ZNF423: variants seen among roughly 807,000 people sequenced by gnomAD.
The protein encoded by ZNF423 is Ebf-associated zinc finger protein.
In ZNF423, 12 loss-of-function variants were observed where a neutral mutation model predicts 95.8. The ratio of observed to expected loss-of-function variants is 0.13; its 90% CI spans 0.08 to 0.20. ZNF423 has a LOEUF of 0.20. Among genes scored for constraint, ZNF423 ranks in the 10% least tolerant of loss-of-function variants. The pLI, the probability that ZNF423 is intolerant of heterozygous loss-of-function variation, is 1.00. For synonymous variants in ZNF423, 749 were observed against 711.9 expected, an observed-to-expected ratio of 1.05 and a Z score of -0.83; for missense variants, 1,316 against 1,737.1, an observed-to-expected ratio of 0.76 and a Z score of 4.31.
intron 3 of ZNF423, among the ~76,000 whole-genome samples, chr16:49,687,376 A>AC (rs1466569712): frequency 1.3e-5 from 2 of 151,858 alleles, no homozygotes; most frequent in Non-Finnish European, 2.9e-5. Context: ...GTCCCCACCT[A>AC]CCCCTGGGCT....
intron 5 of ZNF423, among the ~76,000 whole-genome samples, chr16:49,604,609 G>A (rs544296056): frequency 3.3e-5 from 5 of 152,170 alleles, no homozygotes; most frequent in African/African-American, 1.2e-4. Context: ...CTGGGTTTGT[G>A]CAAGAGCTCA....
At chr16:49,702,903 G>C (rs2032230685) in intron 3 of ZNF423, among the ~76,000 whole-genome samples, 1 of 118,480 alleles carries the variant, frequency 8.4e-6, no homozygotes, top group Non-Finnish European at 1.8e-5. Flanking sequence ...CTGCCTGTGT[G>C]CACACGCACA....
intron 5 of ZNF423, among the ~76,000 whole-genome samples, chr16:49,568,804 C>G (rs1970271886): frequency 6.6e-6 from 1 of 152,134 alleles, no homozygotes; most frequent in Non-Finnish European, 1.5e-5. Flanking sequence ...TCTGCTTGAG[C>G]CACTGTTGGC....
intron 3 of ZNF423, among the ~76,000 whole-genome samples, chr16:49,644,015 C>T (rs1973073289): frequency 6.6e-6 from 1 of 152,228 alleles, no homozygotes; most frequent in African/African-American, 2.4e-5. Flanking sequence ...CACACCTCAT[C>T]TAGGCTGAGC....
chr16:49,638,293 G>T lies in ZNF423; in HGVS notation c.883C>A (p.Pro295Thr), dbSNP rs1183733413. 1 of 1,613,670 alleles carries T rather than the reference G, an allele frequency of 6.2e-7. No individual in the cohort carries two copies. The highest frequency in any genetic ancestry group is 1.3e-5 in the African/African-American group (1 of 74,936). ...ELEKHVLTRH[P>T]QLSEKADLQC... ...AGGTCCGCCTTCTCGGACAGCTGCG[G>T]GTGGCGGGTGAGCACGTGCTTCTCC... Residue 295 changes from proline to threonine, a missense_variant, in exon 4 of 8, where the codon CCG becomes ACG. Coordinates refer to ENST00000563137, the MANE Select transcript of ZNF423 (RefSeq NM_001379286.1). This position sits in a 1 kb window ranked among gnomAD's most constrained non-coding sequence, Gnocchi z 5.6.
chr16:49,530,542 A>AC (rs112139404), intron 5 of ZNF423, among the ~76,000 whole-genome samples: 15,873 of 152,150 alleles, frequency 0.1, 1,925 homozygotes, highest in African/African-American at 0.29. Flanking sequence ...AGGATCTGGC[A>AC]CCAGGAGACG....
rs145353337 is a variant in ZNF423, at chr16:49,700,509, C to T, written c.301+30262G>A. 5.5e-3 allele frequency among the ~76,000 whole-genome samples: 840 copies of T among 152,308 alleles called. 9 individuals are homozygous for T. The highest frequency in any genetic ancestry group is 0.018 in the African/African-American group (740 of 41,568). On this transcript the variant is annotated intron_variant, in intron 3 of 7. Coordinates refer to ENST00000563137, the MANE Select transcript of ZNF423 (RefSeq NM_001379286.1). ...GAGGGGCAGCTGGAATACAGGGGGC[C>T]GTTCCTTTCCTGATGGAACATCCAG...
intron 3 of ZNF423, among the ~76,000 whole-genome samples, chr16:49,649,880 T>A (rs1462843401): frequency 6.6e-6 from 1 of 152,236 alleles, no homozygotes; most frequent in African/African-American, 2.4e-5. Flanking sequence ...GACATGGCTC[T>A]TCCTGAAATC....
chr16:49,659,058 T>C (rs1405698491), intron 3 of ZNF423, among the ~76,000 whole-genome samples: 1 of 152,230 alleles, frequency 6.6e-6, no homozygotes, highest in Non-Finnish European at 1.5e-5. Flanking sequence ...CATATTAGTC[T>C]TTGATGTTTT....
chr16:49,543,997 G>A (rs1355000359), intron 5 of ZNF423, among the ~76,000 whole-genome samples: 3 of 152,228 alleles, frequency 2.0e-5, no homozygotes, highest in Non-Finnish European at 4.4e-5. Context: ...TGCAACAACT[G>A]TCAGCTGTTA....
chr16:49,738,120 A>C (rs549440769), intron 2 of ZNF423, among the ~76,000 whole-genome samples: 3 of 152,184 alleles, frequency 2.0e-5, no homozygotes, highest in Non-Finnish European at 4.4e-5. Flanking sequence ...CATTCTTTCC[A>C]CAAATACTTA....
chr16:49,748,744 G>A (rs1221727398), intron 2 of ZNF423, among the ~76,000 whole-genome samples: 1 of 152,174 alleles, frequency 6.6e-6, no homozygotes, highest in Non-Finnish European at 1.5e-5. Flanking sequence ...GTATCTTGAT[G>A]GGTACCCACC....
At chr16:49,644,842 C>T (rs1338708037) in intron 3 of ZNF423, among the ~76,000 whole-genome samples, 2 of 152,000 alleles carry the variant, frequency 1.3e-5, no homozygotes, top group Admixed American at 1.3e-4. Context: ...GCCCCAAGGA[C>T]ATTCCAGACC....
At chr16:49,578,530 A>G (rs1459929824) in intron 5 of ZNF423, among the ~76,000 whole-genome samples, 13 of 152,126 alleles carry the variant, frequency 8.5e-5, no homozygotes, top group Non-Finnish European at 1.9e-4. Flanking sequence ...ACAGATGAGC[A>G]GAAAACAGAG....
intron 3 of ZNF423, among the ~76,000 whole-genome samples, chr16:49,685,637 C>T (rs140419149): frequency 2.0e-4 from 31 of 152,336 alleles, no homozygotes; most frequent in African/African-American, 6.7e-4. Context: ...TCCATTTCCA[C>T]ACCTTGTCAA....
At chr16:49,735,586 A>G (rs2033266356) in intron 2 of ZNF423, among the ~76,000 whole-genome samples, 1 of 152,196 alleles carries the variant, frequency 6.6e-6, no homozygotes, top group African/African-American at 2.4e-5. Context: ...GACCAACAGG[A>G]TGCAACAGAA....
intron 5 of ZNF423, among the ~76,000 whole-genome samples, chr16:49,577,488 A>G (rs1274387966): frequency 6.6e-6 from 1 of 152,106 alleles, no homozygotes; most frequent in Non-Finnish European, 1.5e-5. Context: ...CCCAGCGACC[A>G]GCCAGGAGCC....
At chr16:49,681,021 C>T (rs1181631045) in intron 3 of ZNF423, among the ~76,000 whole-genome samples, 1 of 152,176 alleles carries the variant, frequency 6.6e-6, no homozygotes, top group Non-Finnish European at 1.5e-5. Context: ...ATGTCGGTGT[C>T]CAAACAGGGC....
intron 3 of ZNF423, among the ~76,000 whole-genome samples, chr16:49,700,757 C>T (rs1394012805): frequency 1.3e-5 from 2 of 152,158 alleles, no homozygotes; most frequent in Non-Finnish European, 2.9e-5. Flanking sequence ...ATGGGCAAAC[C>T]CCCCTCCTTG....
Sources: allele counts gnomAD v4.1 joint callset (sites outside exome capture counted in the v4.1 genomes callset), GRCh38; gene constraint gnomAD v4.1.1; non-coding constraint Gnocchi (gnomAD v3.1); transcripts MANE v1.5; gene names NCBI Gene and HGNC (gene_info 2026-07-23, HGNC 2026-07-21).